VIPR2: variants seen among roughly 807,000 people sequenced by gnomAD.
The protein encoded by VIPR2 is vasoactive intestinal polypeptide receptor 2.
In VIPR2, 48 loss-of-function variants were observed where a neutral mutation model predicts 58.0. That is an observed-to-expected ratio of 0.83 (90% CI 0.66 to 1.05). VIPR2 has a LOEUF of 1.05. VIPR2 is among the 50% of genes least tolerant of loss of function. The pLI, the probability that VIPR2 is intolerant of heterozygous loss-of-function variation, is 0.00. For missense variants in VIPR2, 534 were observed against 558.0 expected (o/e 0.96, Z 0.43); for synonymous variants, 243 against 235.2 (o/e 1.03, Z -0.30).
chr7:159,139,295 T>C (rs1797360562), intron 2 of VIPR2, among the ~76,000 whole-genome samples: 1 of 152,246 alleles, frequency 6.6e-6, no homozygotes, highest in Non-Finnish European at 1.5e-5. Context: ...GGGGGTTTCC[T>C]AAGCCAGTTC....
At chr7:159,130,821 T>C (rs926350472) in intron 2 of VIPR2, among the ~76,000 whole-genome samples, 25 of 152,234 alleles carry the variant, frequency 1.6e-4, no homozygotes, top group African/African-American at 5.5e-4. Flanking sequence ...AAGGAAAGAG[T>C]TACAGGTAAG....
At chr7:159,036,075 C>G in intron 7 of VIPR2, 63 bp from the exon 8 acceptor site, 1 of 1,543,558 alleles carries the variant, frequency 6.5e-7, no homozygotes, top group South Asian at 1.2e-5. Flanking sequence ...CAGGTGGGTG[C>G]CTTCACCAGC....
At position 159,099,692 on chromosome 7, in the gene VIPR2, C is replaced by T. The variant is rs1269490307; in HGVS notation, c.357+4065G>A. 3.3e-5 allele frequency among the ~76,000 whole-genome samples: 5 copies of T among 152,122 alleles called. No individual in the cohort carries two copies. Among genetic ancestry groups the T allele is most frequent in the African/African-American group, 4.8e-5 (2 of 41,406 alleles). On this transcript the variant is annotated intron_variant, in intron 4 of 12. Coordinates refer to ENST00000262178, the MANE Select transcript of VIPR2 (RefSeq NM_003382.5). The surrounding 1 kb of genome is among the most constrained non-coding windows in gnomAD (Gnocchi z 4.2). ...CCTAATGTCTCCCAGGCACAGTTGC[C>T]GGCTAGGTGCAGACGAAGATGAAGA... is the stretch of plus-strand genomic sequence containing the variant.
At chr7:159,092,261 C>T (rs1046404541) in intron 4 of VIPR2, among the ~76,000 whole-genome samples, 2 of 152,138 alleles carry the variant, frequency 1.3e-5, no homozygotes, top group Non-Finnish European at 1.5e-5. Context: ...GCGAAATTGG[C>T]GAATCTGACA....
intron 3 of VIPR2, among the ~76,000 whole-genome samples, chr7:159,108,525 A>G (rs760948191): frequency 1.3e-5 from 2 of 152,204 alleles, no homozygotes; most frequent in Non-Finnish European, 2.9e-5. Context: ...CTGCTTGGGA[A>G]AAAGGTGGAA....
At chr7:159,047,839 G>A (rs1015647858) in intron 5 of VIPR2, among the ~76,000 whole-genome samples, 4 of 152,174 alleles carry the variant, frequency 2.6e-5, no homozygotes, top group African/African-American at 9.7e-5. Flanking sequence ...AATATTCACT[G>A]TATTGGTAAC....
At chr7:159,089,404 A>C (rs1424211544) in intron 4 of VIPR2, among the ~76,000 whole-genome samples, 7 of 97,580 alleles carry the variant, frequency 7.2e-5, no homozygotes, top group African/African-American at 8.3e-5. Context: ...TCATCTGTGG[A>C]ATGGGAATAG....
intron 4 of VIPR2, among the ~76,000 whole-genome samples, chr7:159,085,274 A>G (rs10263510): frequency 0.4 from 60,578 of 152,072 alleles, 14,898 homozygotes; most frequent in African/African-American, 0.7. Flanking sequence ...CCGTTCCCAC[A>G]ACACGGATGA....
At chr7:159,131,967 C>T (rs1307846863) in intron 2 of VIPR2, among the ~76,000 whole-genome samples, 2 of 152,196 alleles carry the variant, frequency 1.3e-5, no homozygotes, top group East Asian at 1.9e-4. Context: ...ATCGTATCAA[C>T]GAGGGACTTT....
At chr7:159,040,309 C>T (rs1455373446) in intron 6 of VIPR2, among the ~76,000 whole-genome samples, 1 of 152,260 alleles carries the variant, frequency 6.6e-6, no homozygotes, top group African/African-American at 2.4e-5. Context: ...GCCCAGTCAA[C>T]AGCTGGTCCC....
chr7:159,075,932 C>A (rs1041346925), intron 4 of VIPR2, among the ~76,000 whole-genome samples: 1 of 152,266 alleles, frequency 6.6e-6, no homozygotes, highest in African/African-American at 2.4e-5. Context: ...TCTCACGGGC[C>A]GTGGAAGTCC....
intron 2 of VIPR2, among the ~76,000 whole-genome samples, chr7:159,122,363 G>A (rs1461429656): frequency 6.6e-6 from 1 of 152,228 alleles, no homozygotes; most frequent in Non-Finnish European, 1.5e-5. Flanking sequence ...TGGCAGAGAC[G>A]AGGCTCCAGG....
Position 159,066,905 on chromosome 7 carries a change from A to ATT in VIPR2, c.358-8329_358-8328dup, listed in dbSNP as rs577470500. On this transcript the variant is annotated intron_variant, in intron 4 of 12. Coordinates refer to ENST00000262178, the MANE Select transcript of VIPR2 (RefSeq NM_003382.5). Reference sequence around the variant, plus strand: ...GTATTAATACAGTTTTAGAAGGGGGATTTTTTTGCCTTGTTAAACCTCAGT... The same window carrying ATT: ...GTATTAATACAGTTTTAGAAGGGGGATTTTTTTTTGCCTTGTTAAACCTCAGT... Among the ~76,000 whole-genome samples the ATT allele has an allele frequency of 3.7e-3, 557 of 152,180 alleles. 3 individuals carry two copies. Among genetic ancestry groups the ATT allele is most frequent in the African/African-American group, 0.013 (519 of 41,516 alleles).
chr7:159,033,249 T>C (rs2129492783), intron 10 of VIPR2, among the ~76,000 whole-genome samples: 1 of 152,342 alleles, frequency 6.6e-6, no homozygotes, highest in East Asian at 1.9e-4. Context: ...TTGGCCATGC[T>C]CCTGTCTAAC....
At chr7:159,035,872 C>A (rs899773350) in intron 8 of VIPR2, 80 bp downstream of exon 8, 2 of 1,556,002 alleles carry the variant, frequency 1.3e-6, no homozygotes, top group African/African-American at 1.4e-5. Flanking sequence ...AACCAGGTAA[C>A]CTTCTGGCTT....
At chr7:159,124,556 T>C (rs547661540) in intron 2 of VIPR2, among the ~76,000 whole-genome samples, 37 of 152,312 alleles carry the variant, frequency 2.4e-4, no homozygotes, top group African/African-American at 8.7e-4. Flanking sequence ...CCCCGTAGTA[T>C]TGTTTCAGGT....
chr7:159,059,335 C>A, intron 4 of VIPR2: 1 of 471,460 alleles, frequency 2.1e-6, no homozygotes, highest in Non-Finnish European at 4.4e-6. Flanking sequence ...TCCTGGTCTG[C>A]ATTTTCTTGA....
chr7:159,076,251 G>GA (rs896867961), intron 4 of VIPR2, among the ~76,000 whole-genome samples: 2 of 151,954 alleles, frequency 1.3e-5, no homozygotes, highest in Non-Finnish European at 2.9e-5. Context: ...TATTAGAAAA[G>GA]AAAAAAACAA....
intron 2 of VIPR2, among the ~76,000 whole-genome samples, chr7:159,132,852 C>CAGACAGAATGATTGGCATACA (rs1210048587): frequency 2.5e-5 from 1 of 39,914 alleles, no homozygotes; most frequent in Non-Finnish European, 5.0e-5. Flanking sequence ...ATTGGCATAC[C>CAGACAGAATGATTGGCATACA]GATTGATTTT....
Sources: allele counts gnomAD v4.1 joint callset (sites outside exome capture counted in the v4.1 genomes callset), GRCh38; gene constraint gnomAD v4.1.1; non-coding constraint Gnocchi (gnomAD v3.1); transcripts MANE v1.5; gene names NCBI Gene and HGNC (gene_info 2026-07-23, HGNC 2026-07-21).